PDZD8: variants seen among roughly 807,000 people sequenced by gnomAD.
PDZD8 encodes PDZ domain-containing protein 8.
Under a neutral mutation model 85.8 loss-of-function variants are expected in PDZD8, and 14 were observed. That is an observed-to-expected ratio of 0.16 (90% CI 0.11 to 0.26). PDZD8 has a LOEUF of 0.26. Ranked by LOEUF, PDZD8 falls within the 10% of genes least tolerant of loss-of-function variation. The probability of loss-of-function intolerance (pLI) is 1.00; values close to 1 mark genes in which losing one functional copy is unlikely to be tolerated. For synonymous variants in PDZD8, 592 were observed against 568.6 expected (o/e 1.04, Z -0.59); for missense variants, 1,197 against 1,424.3 (o/e 0.84, Z 2.57).
chr10:117,353,391 ATAT>A (rs1343509455), intron 1 of PDZD8, among the ~76,000 whole-genome samples: 1 of 152,156 alleles, frequency 6.6e-6, no homozygotes, highest in Non-Finnish European at 1.5e-5. Flanking sequence ...AGAAAGACCC[ATAT>A]TAGTCACAAT....
At chr10:117,368,851 G>GTTTTTTT (rs3034161) in intron 1 of PDZD8, among the ~76,000 whole-genome samples, 6 of 99,068 alleles carry the variant, frequency 6.1e-5, no homozygotes, top group South Asian at 3.3e-4. Flanking sequence ...TATTGACAAT[G>GTTTTTTT]TTTTTTTTTT....
At chr10:117,294,104 A>C (rs1761614938) in intron 3 of PDZD8, among the ~76,000 whole-genome samples, 1 of 152,130 alleles carries the variant, frequency 6.6e-6, no homozygotes, top group African/African-American at 2.4e-5. Flanking sequence ...GAAAATCTAA[A>C]ATTAGTGACC....
Position 117,281,243 on chromosome 10 carries a change from AC to A in PDZD8, c.*2024del, listed in dbSNP as rs1261896295. On this transcript the variant is annotated 3_prime_UTR_variant, in exon 5 of 5. Coordinates refer to ENST00000334464, the MANE Select transcript of PDZD8 (RefSeq NM_173791.5). ...ATTAGCCGCGCCTGTACTCCCAGCT[AC>A]TCCGGAGGCTGAGGCAGGAGAATGG... The A allele has an allele frequency of 6.6e-6, 1 of 151,492 alleles. No individual in the cohort carries two copies. The highest frequency in any genetic ancestry group is 1.9e-4 in the East Asian group (1 of 5,136). 9.4% of individuals were successfully genotyped at this position (151,492 alleles called of 1,614,324 possible). A position where few individuals can be genotyped will look rare whatever the true frequency, so the allele number is the denominator to read the frequency against.
chr10:117,321,905 C>T (rs895406825), intron 2 of PDZD8, among the ~76,000 whole-genome samples: 2 of 151,932 alleles, frequency 1.3e-5, no homozygotes, highest in Non-Finnish European at 2.9e-5. Context: ...CAAATAAATT[C>T]AAAAACATCA....
At chr10:117,331,228 T>C (rs567109842) in intron 2 of PDZD8, among the ~76,000 whole-genome samples, 42 of 152,288 alleles carry the variant, frequency 2.8e-4, no homozygotes, top group Non-Finnish European at 5.1e-4. Flanking sequence ...GTGGAAGCAG[T>C]AGTGGTGGTG....
In PDZD8 at chr10:117,290,309, T is replaced by C. The variant is rs750398411; in HGVS notation, c.1138A>G (p.Thr380Ala). Reference sequence around the variant, plus strand: ...TCAGTTGACTGGACAAGACGAAGTGTAAGTCCAACACTTTGTAAATTTCCT... The same window carrying C: ...TCAGTTGACTGGACAAGACGAAGTGCAAGTCCAACACTTTGTAAATTTCCT... ...IKGNLQSVGLTLRLVQSTDGY... is the reference protein window; with the variant it reads ...IKGNLQSVGLALRLVQSTDGY... The change falls in exon 4 of 5, where the codon ACA becomes GCA. Residue 380 changes from threonine (T) to alanine (A), a missense_variant. Thr to Ala is a moderately conservative substitution (Grantham distance 58). Coordinates refer to ENST00000334464, the MANE Select transcript of PDZD8 (RefSeq NM_173791.5). 2.5e-6 allele frequency: 4 copies of C among 1,611,722 alleles called. No homozygotes were observed. In the Admixed American group the frequency reaches 6.7e-5, roughly 27 times the overall value.
chr10:117,340,963 C>G lies in PDZD8; in HGVS notation c.995+17G>C. 6.2e-7 allele frequency: 1 copy of G among 1,613,492 alleles called. No homozygotes were observed. The highest frequency in any genetic ancestry group is 8.5e-7 in the Non-Finnish European group (1 of 1,179,608). ...TGTTCTTCCCGTAACTTAGTAATGA[C>G]AAAACAAAGAACATACCTGCTACAT... On this transcript the variant is annotated intron_variant, in intron 2 of 4. Transcript: ENST00000334464.
intron 4 of PDZD8, among the ~76,000 whole-genome samples, chr10:117,288,457 C>CT (rs1415978299): frequency 2.6e-5 from 4 of 151,770 alleles, no homozygotes; most frequent in East Asian, 1.9e-4. Context: ...CAAGGTTTTT[C>CT]TTTTTTTTAA....
chr10:117,288,754 C>T (rs954755498), intron 4 of PDZD8, among the ~76,000 whole-genome samples: 12 of 152,102 alleles, frequency 7.9e-5, no homozygotes, highest in African/African-American at 1.9e-4. Context: ...GTGATCCACC[C>T]GCCTCGGCCT....
At position 117,281,450 on chromosome 10, in the gene PDZD8, T is replaced by C. The variant is rs902918575; in HGVS notation, c.*1818A>G. On this transcript the variant is annotated 3_prime_UTR_variant, in exon 5 of 5. Coordinates refer to ENST00000334464, the MANE Select transcript of PDZD8 (RefSeq NM_173791.5). ...GAGATGTTTTTGTTATAAACTTGGC[T>C]AAGAAAGGTATTTAGTACCTGAAAT... 2 of 151,368 alleles carry C rather than the reference T, an allele frequency of 1.3e-5. No individual in the cohort carries two copies. Among genetic ancestry groups the C allele is most frequent in the Non-Finnish European group, 2.9e-5 (2 of 67,938 alleles). 9.4% of individuals were successfully genotyped at this position (151,368 alleles called of 1,614,324 possible).
chr10:117,362,166 A>T (rs1435825723), intron 1 of PDZD8, among the ~76,000 whole-genome samples: 1 of 152,206 alleles, frequency 6.6e-6, no homozygotes, highest in African/African-American at 2.4e-5. Flanking sequence ...CTGCTAGTTT[A>T]TAAGTACCTA....
chr10:117,297,914 A>C (rs1843782944), intron 3 of PDZD8, among the ~76,000 whole-genome samples: 1 of 152,148 alleles, frequency 6.6e-6, no homozygotes, highest in Admixed American at 6.5e-5. Flanking sequence ...TATATATGCC[A>C]GTTTTTGTCC....
intron 1 of PDZD8, among the ~76,000 whole-genome samples, chr10:117,372,321 AAT>A (rs1332182691): frequency 6.6e-6 from 1 of 152,218 alleles, no homozygotes; most frequent in Non-Finnish European, 1.5e-5. Flanking sequence ...TGATACAGAT[AAT>A]AGTTTTTCAA....
At chr10:117,296,373 T>C (rs1843759178) in intron 3 of PDZD8, among the ~76,000 whole-genome samples, 3 of 152,082 alleles carry the variant, frequency 2.0e-5, no homozygotes, top group South Asian at 4.1e-4. Context: ...TTTAAATAAA[T>C]GGAGAATACC....
chr10:117,284,439 A>G lies in PDZD8; in HGVS notation c.2294T>C (p.Ile765Thr). The G allele has an allele frequency of 6.2e-7, 1 of 1,614,174 alleles. No individual in the cohort carries two copies. Among genetic ancestry groups the G allele is most frequent in the Non-Finnish European group, 8.5e-7 (1 of 1,180,026 alleles). The stretch of plus-strand genomic sequence containing the variant: ...ATTGCGTAGTGCGGTTCTAGTGACT[A>G]TAGCCTTAGGTGAGGGGGCTTCCAG... ...LRLEAPSPKAIVTRTALRNLS... is the reference protein window; with the variant it reads ...LRLEAPSPKATVTRTALRNLS... The change falls in exon 5 of 5, where the codon ATA becomes ACA. Residue 765 changes from isoleucine (I) to threonine (T), a missense_variant. This residue lies in a region of PDZD8 where 418 missense variants were observed against 571.1 expected (regional missense o/e 0.73). Transcript: ENST00000334464.
At chr10:117,286,833 T>C (rs965924733) in intron 4 of PDZD8, among the ~76,000 whole-genome samples, 1 of 152,208 alleles carries the variant, frequency 6.6e-6, no homozygotes, top group African/African-American at 2.4e-5. Flanking sequence ...GCCCCACTAT[T>C]GCCCTTTCCT....
chr10:117,330,489 G>A (rs777623207), intron 2 of PDZD8, among the ~76,000 whole-genome samples: 2 of 152,122 alleles, frequency 1.3e-5, no homozygotes, highest in Non-Finnish European at 2.9e-5. Context: ...TACTTGCTGA[G>A]CAGATCAACG....
chr10:117,285,570 C>T, intron 4 of PDZD8, 99 bp from the exon 5 acceptor site: 1 of 1,174,430 alleles, frequency 8.5e-7, no homozygotes, highest in Non-Finnish European at 1.1e-6. Flanking sequence ...ATTGCCATTA[C>T]CTCTGGTTAT....
chr10:117,358,508 T>A (rs1475882868), intron 1 of PDZD8, among the ~76,000 whole-genome samples: 1 of 152,124 alleles, frequency 6.6e-6, no homozygotes, highest in Admixed American at 6.5e-5. Flanking sequence ...TTTTACTGAT[T>A]GCTAACCCTT....
Sources: allele counts gnomAD v4.1 joint callset (sites outside exome capture counted in the v4.1 genomes callset), GRCh38; gene constraint gnomAD v4.1.1; regional missense constraint gnomAD v4.1.1; transcripts MANE v1.5; gene names NCBI Gene and HGNC (gene_info 2026-07-23, HGNC 2026-07-21).